HPCAL1: variants seen among roughly 807,000 people sequenced by gnomAD.
The protein encoded by HPCAL1 is hippocalcin-like protein 1.
HPCAL1 carries 8 observed loss-of-function variants against 17.1 expected under a neutral mutation model. The ratio of observed to expected loss-of-function variants is 0.47; its 90% CI spans 0.27 to 0.84. HPCAL1 has a LOEUF of 0.84. Ranked by LOEUF, HPCAL1 falls within the 40% of genes least tolerant of loss-of-function variation. The pLI is 0.13. For missense variants in HPCAL1, 165 were observed against 271.1 expected, an observed-to-expected ratio of 0.61 and a Z score of 2.75; for synonymous variants, 112 against 111.4, an observed-to-expected ratio of 1.01 and a Z score of -0.03.
At chr2:10,393,784 G>A (rs1668844351) in intron 1 of HPCAL1, among the ~76,000 whole-genome samples, 4 of 152,204 alleles carry the variant, frequency 2.6e-5, no homozygotes, top group Middle Eastern at 3.4e-3. Flanking sequence ...CCTACCCCAG[G>A]AGGATGCTTA....
chr2:10,339,991 T>C (rs1008768895), intron 1 of HPCAL1, among the ~76,000 whole-genome samples: 2 of 152,250 alleles, frequency 1.3e-5, no homozygotes, highest in African/African-American at 4.8e-5. Flanking sequence ...CTGGGCTTCA[T>C]GACATTGGGA....
intron 1 of HPCAL1, among the ~76,000 whole-genome samples, chr2:10,391,970 G>C (rs959060752): frequency 4.6e-5 from 7 of 152,132 alleles, no homozygotes; most frequent in Non-Finnish European, 7.4e-5. Flanking sequence ...GGCTGGTCTT[G>C]AACTCCTGAC....
intron 1 of HPCAL1, among the ~76,000 whole-genome samples, chr2:10,356,387 G>A (rs1666157093): frequency 6.6e-6 from 1 of 152,140 alleles, no homozygotes; most frequent in East Asian, 1.9e-4. Flanking sequence ...TTTGAACTGG[G>A]ACTTGAAGGA....
chr2:10,419,354 G>C lies in HPCAL1; in HGVS notation c.-24-380G>C, dbSNP rs916302514. On this transcript the variant is annotated intron_variant, in intron 2 of 4. Coordinates refer to ENST00000307845, the MANE Select transcript of HPCAL1 (RefSeq NM_002149.4). The surrounding 1 kb of genome is among the most constrained non-coding windows in gnomAD (Gnocchi z 5.0). ...GCCCCAAAGAGTCTGGGATGTGGCT[G>C]AGGTGGCCACTTTGCCAGGAGCTGA... Among the ~76,000 whole-genome samples the C allele has an allele frequency of 3.3e-5, 5 of 152,208 alleles. No homozygotes were observed. Among genetic ancestry groups the C allele is most frequent in the African/African-American group, 4.8e-5 (2 of 41,458 alleles).
chr2:10,339,312 C>T (rs1380864957), intron 1 of HPCAL1, among the ~76,000 whole-genome samples: 1 of 151,296 alleles, frequency 6.6e-6, no homozygotes, highest in Non-Finnish European at 1.5e-5. Context: ...GCCACCATGC[C>T]CACCTAATTT....
In HPCAL1 at chr2:10,395,133, C is replaced by CACACAT. The variant is rs2125571145; in HGVS notation, c.-110-1697_-110-1696insTACACA. Among the ~76,000 whole-genome samples, 1 of 118,436 alleles carries CACACAT rather than the reference C, an allele frequency of 8.4e-6. No individual in the cohort carries two copies. Among genetic ancestry groups the CACACAT allele is most frequent in the African/African-American group, 2.6e-5 (1 of 38,108 alleles). The allele number at this position is 118,436 out of a possible 152,430, so 77.7% of individuals were successfully genotyped here. On this transcript the variant is annotated intron_variant, in intron 1 of 4. Coordinates refer to ENST00000307845, the MANE Select transcript of HPCAL1 (RefSeq NM_002149.4). This position sits in a 1 kb window ranked among gnomAD's most constrained non-coding sequence, Gnocchi z 4.4. ...TTTAAAACACACACACACACACACA[C>CACACAT]ACACACACACACACACACACACACA...
intron 1 of HPCAL1, among the ~76,000 whole-genome samples, chr2:10,319,031 A>G (rs549467127): frequency 2.0e-5 from 3 of 152,314 alleles, no homozygotes; most frequent in Admixed American, 6.5e-5. Flanking sequence ...AATAGTTGCC[A>G]TTAAACCTCT....
At chr2:10,393,960 A>G (rs1309590920) in intron 1 of HPCAL1, among the ~76,000 whole-genome samples, 5 of 28,660 alleles carry the variant, frequency 1.7e-4, no homozygotes, top group Non-Finnish European at 3.3e-4. Context: ...ACTAAAAATG[A>G]AAAAAAAAAA....
chr2:10,386,509 G>A (rs1265896204), intron 1 of HPCAL1, among the ~76,000 whole-genome samples: 1 of 152,146 alleles, frequency 6.6e-6, no homozygotes, highest in Non-Finnish European at 1.5e-5. Flanking sequence ...CAGGTTACAG[G>A]TAAGCCCTCC....
In HPCAL1 at chr2:10,331,356, C is replaced by G. The variant is rs997183734; in HGVS notation, c.-111+28179C>G. On this transcript the variant is annotated intron_variant, in intron 1 of 4. Coordinates refer to ENST00000307845, the MANE Select transcript of HPCAL1 (RefSeq NM_002149.4). The surrounding 1 kb of genome is among the most constrained non-coding windows in gnomAD (Gnocchi z 5.0). ...CCTCGCCACCTACGCATCGTCACCCCTCCTCCTGCGTTTCCTCCTGTCTCC... is the reference window on the plus strand; with the variant it reads ...CCTCGCCACCTACGCATCGTCACCCGTCCTCCTGCGTTTCCTCCTGTCTCC... Among the ~76,000 whole-genome samples, 1 of 150,778 alleles carries G rather than the reference C, an allele frequency of 6.6e-6. No individual in the cohort carries two copies. The highest frequency in any genetic ancestry group is 2.5e-5 in the African/African-American group (1 of 40,358).
intron 4 of HPCAL1, chr2:10,424,808 C>T (rs558479227): frequency 2.7e-6 from 1 of 367,254 alleles, no homozygotes. Flanking sequence ...AAAGCTCCTC[C>T]GGGGACTGCT....
chr2:10,304,780 C>T lies in HPCAL1; in HGVS notation c.-111+1603C>T, dbSNP rs948825266. Among the ~76,000 whole-genome samples, 1 of 152,140 alleles carries T rather than the reference C, an allele frequency of 6.6e-6. No individual in the cohort carries two copies. The highest frequency in any genetic ancestry group is 1.5e-5 in the Non-Finnish European group (1 of 68,030). Reference sequence around the variant, plus strand: ...CCCTTCATCGCCTTGGTGTCTTTCTCTGGGGGAAAAAAATCGCCTTTAACC... The same window carrying T: ...CCCTTCATCGCCTTGGTGTCTTTCTTTGGGGGAAAAAAATCGCCTTTAACC... On this transcript the variant is annotated intron_variant, in intron 1 of 4. Transcript: ENST00000307845. This position sits in a 1 kb window ranked among gnomAD's most constrained non-coding sequence, Gnocchi z 4.1.
rs1209821413 is a variant in HPCAL1, at chr2:10,343,842, G to A, written c.-111+40665G>A. ...AGAGATGAGGGCAGAAAGAGAAGAG[G>A]GGGCAGGCCTCAGGGATGAACACAT... On this transcript the variant is annotated intron_variant, in intron 1 of 4. Coordinates refer to ENST00000307845, the MANE Select transcript of HPCAL1 (RefSeq NM_002149.4). The surrounding 1 kb of genome is among the most constrained non-coding windows in gnomAD (Gnocchi z 4.8). Among the ~76,000 whole-genome samples, 2 of 152,216 alleles carry A rather than the reference G, an allele frequency of 1.3e-5. No individual in the cohort carries two copies. Among genetic ancestry groups the A allele is most frequent in the East Asian group, 3.9e-4 (2 of 5,190 alleles).
At chr2:10,352,535 C>G (rs1665901869) in intron 1 of HPCAL1, among the ~76,000 whole-genome samples, 1 of 152,244 alleles carries the variant, frequency 6.6e-6, no homozygotes, top group Non-Finnish European at 1.5e-5. Context: ...GCAGCTGTGC[C>G]ATCAGCAGAG....
intron 1 of HPCAL1, among the ~76,000 whole-genome samples, chr2:10,350,247 C>T (rs545491739): frequency 7.6e-4 from 115 of 152,182 alleles, no homozygotes; most frequent in African/African-American, 2.6e-3. Flanking sequence ...GAGCATGCCC[C>T]ATAGTCCAGG....
chr2:10,309,967 G>A (rs1231434918), intron 1 of HPCAL1, among the ~76,000 whole-genome samples: 5 of 152,160 alleles, frequency 3.3e-5, no homozygotes, highest in Admixed American at 6.5e-5. Flanking sequence ...TTCTTGAATC[G>A]GAGTATTAGA....
rs1031313902 is a variant in HPCAL1, at chr2:10,342,293, C to T, written c.-111+39116C>T. 4.6e-5 allele frequency among the ~76,000 whole-genome samples: 7 copies of T among 152,118 alleles called. No individual in the cohort carries two copies. Among genetic ancestry groups the T allele is most frequent in the African/African-American group, 1.2e-4 (5 of 41,410 alleles). ...TTAACCTGTTGAATAAGCAACAGGC[C>T]GAGGTGGGGACCCTGCCTCGCCCGC... is the stretch of plus-strand genomic sequence containing the variant. On this transcript the variant is annotated intron_variant, in intron 1 of 4. Transcript: ENST00000307845. This position sits in a 1 kb window ranked among gnomAD's most constrained non-coding sequence, Gnocchi z 4.1.
chr2:10,321,503 A>T (rs1401160977), intron 1 of HPCAL1, among the ~76,000 whole-genome samples: 1 of 152,110 alleles, frequency 6.6e-6, no homozygotes, highest in East Asian at 1.9e-4. Context: ...GTCGCCATTT[A>T]AAAATGTACA....
Position 10,362,821 on chromosome 2 carries a change from C to T in HPCAL1, c.-110-34014C>T, listed in dbSNP as rs1026549838. 2.6e-5 allele frequency among the ~76,000 whole-genome samples: 4 copies of T among 152,210 alleles called. No homozygotes were observed. Among genetic ancestry groups the T allele is most frequent in the Non-Finnish European group, 4.4e-5 (3 of 68,040 alleles). On this transcript the variant is annotated intron_variant, in intron 1 of 4. Coordinates refer to ENST00000307845, the MANE Select transcript of HPCAL1 (RefSeq NM_002149.4). This position sits in a 1 kb window ranked among gnomAD's most constrained non-coding sequence, Gnocchi z 5.0. ...TGAGTCATGAGATTGGGTTGAATGGCGGCTTTAGCACAGCTGTGGCCTGTG... is the reference window on the plus strand; with the variant it reads ...TGAGTCATGAGATTGGGTTGAATGGTGGCTTTAGCACAGCTGTGGCCTGTG...
Sources: gnomAD v4.1 joint callset for allele counts (sites outside exome capture counted in the v4.1 genomes callset) on GRCh38, gnomAD v4.1.1 for gene constraint, Gnocchi (gnomAD v3.1) non-coding constraint, MANE v1.5 for transcripts, NCBI Gene and HGNC (gene_info 2026-07-23, HGNC 2026-07-21) for gene names.